FZR1: variants seen among roughly 807,000 people sequenced by gnomAD.
The protein encoded by FZR1 is fizzy and cell division cycle 20 related 1.
A neutral mutation model predicts 63.6 loss-of-function variants in FZR1; 11 were observed. The observed-to-expected ratio is 0.17, with a 90% CI of 0.11 to 0.29. FZR1 has a LOEUF of 0.29. FZR1 is among the 10% of genes least tolerant of loss of function. The pLI, the probability that FZR1 is intolerant of heterozygous loss-of-function variation, is 1.00. For missense variants in FZR1, 440 were observed against 687.5 expected (o/e 0.64, Z 4.03); for synonymous variants, 328 against 297.9 (o/e 1.10, Z -1.04).
chr19:3,519,337 T>G (rs1189599379), intron 1 of FZR1, among the ~76,000 whole-genome samples: 1 of 152,064 alleles, frequency 6.6e-6, no homozygotes, highest in Non-Finnish European at 1.5e-5. Context: ...CGCGTCTACG[T>G]GGTGAGTCGC....
At position 3,533,281 on chromosome 19, in the gene FZR1, C is replaced by T. The variant is rs775579365; in HGVS notation, c.1243-13C>T. 1.3e-6 allele frequency: 2 copies of T among 1,563,404 alleles called. No homozygotes were observed. The highest frequency in any genetic ancestry group is 1.8e-6 in the Non-Finnish European group (2 of 1,135,306). On this transcript the variant is annotated splice_polypyrimidine_tract_variant and intron_variant, in intron 11 of 13. Transcript: ENST00000441788. The surrounding 1 kb of genome is among the most constrained non-coding windows in gnomAD (Gnocchi z 4.9). ...TGCCCCTCACCGACCGCAGCGCCCCCTCCGCCCTCCAGGTGAGCACGCACG... is the reference window on the plus strand; with the variant it reads ...TGCCCCTCACCGACCGCAGCGCCCCTTCCGCCCTCCAGGTGAGCACGCACG...
In FZR1 at chr19:3,527,073, G is replaced by C; in HGVS notation, c.470+11G>C. 1.3e-6 allele frequency: 2 copies of C among 1,583,970 alleles called. No individual in the cohort carries two copies. Among genetic ancestry groups the C allele is most frequent in the Non-Finnish European group, 1.7e-6 (2 of 1,153,492 alleles). Reference sequence around the variant, plus strand: ...CGTCAGCAACAAGAGGTGGGTCCCAGCTTCCTCCGCAGCCCTCCCTACTCC... The same window carrying C: ...CGTCAGCAACAAGAGGTGGGTCCCACCTTCCTCCGCAGCCCTCCCTACTCC... On this transcript the variant is annotated intron_variant, in intron 6 of 13. Transcript: ENST00000441788.
At chr19:3,531,666 C>T in intron 8 of FZR1, 48 bp from the exon 9 acceptor site, 2 of 1,363,556 alleles carry the variant, frequency 1.5e-6, no homozygotes, top group Non-Finnish European at 2.0e-6. Context: ...GGGCACAGTC[C>T]CCGGGCCAGA....
rs1195186934 is a variant in FZR1 at position 3,526,359 on chromosome 19, C to T, written c.360C>T (p.Ser120=). 6.3e-7 allele frequency: 1 copy of T among 1,597,570 alleles called. No homozygotes were observed. The highest frequency in any genetic ancestry group is 8.5e-7 in the Non-Finnish European group (1 of 1,173,378). The part of the protein sequence containing the change: ...PQTEDRRLQP[S]TPEKKGLFTY... Reference sequence around the variant, plus strand: ...CTGAGGACCGCAGGCTGCAGCCCTCCACGCCTGAGAAGAAGGGTCTGTTCA... The same window carrying T: ...CTGAGGACCGCAGGCTGCAGCCCTCTACGCCTGAGAAGAAGGGTCTGTTCA... The change falls in exon 5 of 14, where the codon TCC becomes TCT. Residue 120 remains serine, a synonymous_variant. Transcript: ENST00000441788. This position sits in a 1 kb window ranked among gnomAD's most constrained non-coding sequence, Gnocchi z 5.4.
At chr19:3,532,223 C>T (rs1224316828) in intron 10 of FZR1, 128 bp downstream of exon 10, 1 of 969,230 alleles carries the variant, frequency 1.0e-6, no homozygotes, top group Non-Finnish European at 1.5e-6. Flanking sequence ...CAGCAGGGCA[C>T]CAGGCTTGTC....
intron 10 of FZR1, 129 bp downstream of exon 10, chr19:3,532,224 C>T: frequency 1.0e-6 from 1 of 972,750 alleles, no homozygotes; most frequent in Non-Finnish European, 1.5e-6. Flanking sequence ...AGCAGGGCAC[C>T]AGGCTTGTCC....
In FZR1 at chr19:3,531,812, C is replaced by T. The variant is rs763241500; in HGVS notation, c.819C>T (p.Arg273=). The change falls in exon 9 of 14, where the codon CGC becomes CGT. Residue 273 remains arginine, a synonymous_variant. Transcript: ENST00000441788. ...KLSMLEGHTA[R]VGALAWNAEQ... ...CCATGTTGGAGGGCCACACGGCACG[C>T]GTCGGTGAGGAGCCCGGGTCCCATG... is the stretch of plus-strand genomic sequence containing the variant. 184 of 1,549,922 alleles carry T rather than the reference C, an allele frequency of 1.2e-4. 1 individual carries two copies. Among genetic ancestry groups the T allele is most frequent in the Non-Finnish European group, 1.5e-4 (171 of 1,146,596 alleles).
Position 3,532,432 on chromosome 19 carries a change from C to T in FZR1, c.1024C>T (p.His342Tyr), listed in dbSNP as rs772310062. ...GNDNKLLVWN[H>Y]SSLSPVQQYT... ...TGTCCCCCAGCTGCTGGTCTGGAAT[C>T]ACTCGAGCCTGAGCCCCGTGCAGCA... Residue 342 changes from histidine to tyrosine, a missense_variant, in exon 11 of 14, where the codon CAC becomes TAC. Physicochemically the swap from His to Tyr is moderately conservative, Grantham distance 83 (BLOSUM62 2). Coordinates refer to ENST00000441788, the MANE Select transcript of FZR1 (RefSeq NM_016263.4). 1.6e-5 allele frequency: 25 copies of T among 1,592,526 alleles called. No individual in the cohort carries two copies. Among genetic ancestry groups the T allele is most frequent in the Non-Finnish European group, 2.0e-5 (23 of 1,168,358 alleles).
intron 2 of FZR1, among the ~76,000 whole-genome samples, chr19:3,524,417 G>C (rs1047344679): frequency 1.3e-5 from 2 of 152,242 alleles, no homozygotes; most frequent in Non-Finnish European, 2.9e-5. Context: ...CAGTCACCCA[G>C]CACAGCCTGG....
At position 3,535,024 on chromosome 19, in the gene FZR1, T is replaced by C. The variant is rs2083282816; in HGVS notation, c.*188T>C. 1 of 607,440 alleles carries C rather than the reference T, an allele frequency of 1.6e-6. No homozygotes were observed. The allele number at this position is 607,440 out of a possible 1,614,324, so 37.6% of individuals were successfully genotyped here. On this transcript the variant is annotated 3_prime_UTR_variant, in exon 14 of 14. Transcript: ENST00000441788. ...ATTGTGAACCATGTCCACCAGTATC[T>C]GGGGTGGGCACGTGGTCGGGGACCC...
intron 1 of FZR1, among the ~76,000 whole-genome samples, chr19:3,508,559 T>C (rs1728869680): frequency 1.3e-5 from 2 of 152,228 alleles, no homozygotes; most frequent in Admixed American, 1.3e-4. Context: ...TTTTGTAGAC[T>C]GAGAACTTCT....
At chr19:3,517,387 C>T (rs1034418978) in intron 1 of FZR1, among the ~76,000 whole-genome samples, 11 of 148,162 alleles carry the variant, frequency 7.4e-5, no homozygotes, top group Non-Finnish European at 8.9e-5. Context: ...GAGACCCGGT[C>T]TCAAAAATAA....
rs956885096 is a variant in FZR1, at chr19:3,535,243, G to A, written c.*407G>A. The A allele has an allele frequency of 2.2e-5, 4 of 184,202 alleles. No homozygotes were observed. The highest frequency in any genetic ancestry group is 6.0e-5 in the Admixed American group (1 of 16,724). 11.4% of individuals were successfully genotyped at this position (184,202 alleles called of 1,614,324 possible). The stretch of plus-strand genomic sequence containing the variant: ...GTCTGCACAGAACAGACCACCAGAC[G>A]CCAGGGCTGATTGGTGGGGGCCTGA... On this transcript the variant is annotated 3_prime_UTR_variant, in exon 14 of 14. Transcript: ENST00000441788.
intron 7 of FZR1, among the ~76,000 whole-genome samples, chr19:3,528,924 G>A (rs574088524): frequency 2.5e-4 from 38 of 151,178 alleles, no homozygotes; most frequent in Admixed American, 1.2e-3. Flanking sequence ...GTGGATGGGA[G>A]AGTGTATGGG....
Position 3,535,088 on chromosome 19 carries a change from G to A in FZR1, c.*252G>A, listed in dbSNP as rs913072765. The A allele has an allele frequency of 1.8e-5, 10 of 566,052 alleles. No individual in the cohort carries two copies. The highest frequency in any genetic ancestry group is 1.5e-4 in the Admixed American group (5 of 32,878). The allele number at this position is 566,052 out of a possible 1,614,324, so 35.1% of individuals were successfully genotyped here. A position where few individuals can be genotyped will look rare whatever the true frequency, so the allele number is the denominator to read the frequency against. ...CTCTGTCTCCCTTCCCAAAGGGCGA[G>A]AACCACATTGGACGGTCCCGGCTCA... On this transcript the variant is annotated 3_prime_UTR_variant, in exon 14 of 14. Coordinates refer to ENST00000441788, the MANE Select transcript of FZR1 (RefSeq NM_016263.4).
At chr19:3,528,043 C>T (rs1442280247) in intron 7 of FZR1, among the ~76,000 whole-genome samples, 2 of 146,928 alleles carry the variant, frequency 1.4e-5, no homozygotes, top group African/African-American at 2.7e-5. Context: ...CCCTCCCAAC[C>T]CTCCCAGCCA....
chr19:3,519,027 A>G (rs529403723), intron 1 of FZR1, among the ~76,000 whole-genome samples: 2 of 152,278 alleles, frequency 1.3e-5, no homozygotes, highest in African/African-American at 2.4e-5. Flanking sequence ...GTGTTGGTCA[A>G]TGAATGACCC....
rs1443044898 is a variant in FZR1, at chr19:3,537,815, C to A, written c.*2979C>A. ...GTGGAGCTGGCATGGGGGACACAGCCCAGAGACAGAGAAGCTTATGAGGAA... is the reference window on the plus strand; with the variant it reads ...GTGGAGCTGGCATGGGGGACACAGCACAGAGACAGAGAAGCTTATGAGGAA... On this transcript the variant is annotated 3_prime_UTR_variant, in exon 14 of 14. Transcript: ENST00000441788. The A allele has an allele frequency of 6.6e-6, 1 of 152,574 alleles. No homozygotes were observed. The highest frequency in any genetic ancestry group is 1.5e-5 in the Non-Finnish European group (1 of 68,358). 9.5% of individuals were successfully genotyped at this position (152,574 alleles called of 1,614,324 possible).
rs1030597168 is a variant in FZR1, at chr19:3,533,603, G to C, written c.1347+205G>C. The stretch of plus-strand genomic sequence containing the variant: ...GGGCTCTACCGAACTCCCCAGCCCT[G>C]CAGGTGCAGGCCCTGTCCTCCTGGA... On this transcript the variant is annotated intron_variant, in intron 12 of 13. Transcript: ENST00000441788. The surrounding 1 kb of genome is among the most constrained non-coding windows in gnomAD (Gnocchi z 4.9). The C allele has an allele frequency of 3.5e-6, 2 of 567,160 alleles. No homozygotes were observed. The highest frequency in any genetic ancestry group is 6.3e-6 in the Non-Finnish European group (2 of 317,174). The allele number at this position is 567,160 out of a possible 1,614,324, so 35.1% of individuals were successfully genotyped here.
Sources: allele counts gnomAD v4.1 joint callset (sites outside exome capture counted in the v4.1 genomes callset), GRCh38; gene constraint gnomAD v4.1.1; non-coding constraint Gnocchi (gnomAD v3.1); transcripts MANE v1.5; gene names NCBI Gene and HGNC (gene_info 2026-07-23, HGNC 2026-07-21).